ANKRD18A: variants seen among roughly 807,000 people sequenced by gnomAD.
ANKRD18A encodes the protein ankyrin repeat domain 18A.
In ANKRD18A, 72 loss-of-function variants were observed where a neutral mutation model predicts 110.6. That is an observed-to-expected ratio of 0.65 (90% CI 0.54 to 0.79). The LOEUF is 0.79. ANKRD18A is among the 30% of genes least tolerant of loss of function. The pLI is 0.00. For missense variants in ANKRD18A, 934 were observed against 1,163.3 expected, an observed-to-expected ratio of 0.80 and a Z score of 2.87; for synonymous variants, 305 against 410.3, an observed-to-expected ratio of 0.74 and a Z score of 3.10.
At chr9:38,568,020 G>T (rs4416907), downstream of ANKRD18A, 14,425 of 152,296 alleles carry the variant, frequency 0.095, 1,135 homozygotes, top group African/African-American at 0.21. Flanking sequence ...CTCATCCTTC[G>T]CAGCCTTCCT....
At chr9:38,616,790 A>C (rs904243126) in intron 1 of ANKRD18A, among the ~76,000 whole-genome samples, 18 of 152,330 alleles carry the variant, frequency 1.2e-4, no homozygotes, top group African/African-American at 4.1e-4. Flanking sequence ...TTTAACAAAA[A>C]TATTTTAATT....
chr9:38,580,883 T>C (rs1170213133), intron 12 of ANKRD18A, among the ~76,000 whole-genome samples: 2 of 151,528 alleles, frequency 1.3e-5, no homozygotes, highest in Non-Finnish European at 2.9e-5. Context: ...AGCCCCCAGA[T>C]TGTGAGAGAG....
At chr9:38,570,130 A>G (rs955810512), downstream of ANKRD18A, among the ~76,000 whole-genome samples, 2 of 151,998 alleles carry the variant, frequency 1.3e-5, no homozygotes, top group African/African-American at 4.8e-5. Flanking sequence ...CCCATTGACC[A>G]GGCCCCACTG....
chr9:38,598,600 T>G (rs1348258883), intron 8 of ANKRD18A, among the ~76,000 whole-genome samples: 9 of 152,208 alleles, frequency 5.9e-5, no homozygotes, highest in Non-Finnish European at 1.3e-4. Flanking sequence ...CCTTTGCATA[T>G]CTTGCTGTAA....
At chr9:38,573,373 G>C (rs1426820989) in intron 15 of ANKRD18A, among the ~76,000 whole-genome samples, 1 of 151,988 alleles carries the variant, frequency 6.6e-6, no homozygotes, top group Non-Finnish European at 1.5e-5. Context: ...AGATAATATT[G>C]GTCTATTGGA....
rs1823854627 is a variant in ANKRD18A, at chr9:38,575,618, G to C, written c.2822C>G (p.Pro941Arg). 1 of 1,551,694 alleles carries C rather than the reference G, an allele frequency of 6.4e-7. No homozygotes were observed. Among genetic ancestry groups the C allele is most frequent in the South Asian group, 1.2e-5 (1 of 84,050 alleles). ...QRMKYFLSTL[P>R]TRPEPELPCV... ...AGGTAACTCTGGTTCTGGCCTTGTA[G>C]GAAGAGTGCTGAGAAAATATTTCAT... Residue 941 changes from proline to arginine, a missense_variant, in exon 15 of 16, where the codon CCT becomes CGT. Around this residue, in one of 4 missense-constraint regions of ANKRD18A, gnomAD observed 223 missense variants for 226.7 expected, o/e 0.98. Coordinates refer to ENST00000399703, the MANE Select transcript of ANKRD18A (RefSeq NM_147195.4).
At position 38,607,470 on chromosome 9, in the gene ANKRD18A, T is replaced by C. The variant is rs772925991; in HGVS notation, c.764A>G (p.His255Arg). Residue 255 changes from histidine to arginine, a missense_variant, in exon 6 of 16, where the codon CAT (histidine) becomes CGT (arginine). Coordinates refer to ENST00000399703, the MANE Select transcript of ANKRD18A (RefSeq NM_147195.4). ...LRSIRQQILE[H>R]KNKMLKNHLR... ...ATGATTTTTAAGCATTTTATTTTTA[T>C]GTTCCAAAATTTGTTGTCGGATGCT... 52 of 1,503,398 alleles carry C rather than the reference T, an allele frequency of 3.5e-5. No homozygotes were observed. The highest frequency in any genetic ancestry group is 4.5e-5 in the Non-Finnish European group (50 of 1,122,462). 93.1% of individuals were successfully genotyped at this position (1,503,398 alleles called of 1,614,324 possible). A position where few individuals can be genotyped will look rare whatever the true frequency, so the allele number is the denominator to read the frequency against.
chr9:38,575,646 G>A lies in ANKRD18A; in HGVS notation c.2794C>T (p.Arg932Trp), dbSNP rs546219600. Residue 932 changes from arginine (R) to tryptophan (W), a missense_variant, in exon 15 of 16, where the codon CGG (arginine) becomes TGG (tryptophan). Arg to Trp is a moderately radical substitution (Grantham distance 101). Transcript: ENST00000399703. ...AGAGTGCTGAGAAAATATTTCATCCGCTGTTTCTCCGTAAAGAGCTTGGTG... is the reference window on the plus strand; with the variant it reads ...AGAGTGCTGAGAAAATATTTCATCCACTGTTTCTCCGTAAAGAGCTTGGTG... ...ISTKLFTEKQ[R>W]MKYFLSTLPT... The A allele has an allele frequency of 3.9e-6, 6 of 1,551,670 alleles. No homozygotes were observed. The highest frequency in any genetic ancestry group is 2.7e-5 in the African/African-American group (2 of 73,136).
chr9:38,567,574 C>T (rs547483073), downstream of ANKRD18A: 82 of 152,874 alleles, frequency 5.4e-4, no homozygotes, highest in Non-Finnish European at 9.1e-4. Flanking sequence ...CTCTGTCTTC[C>T]CTTCTGCCAC....
In ANKRD18A at chr9:38,577,728, CT is replaced by C. The variant is rs542550325; in HGVS notation, c.2529+138del. On this transcript the variant is annotated intron_variant, in intron 13 of 15. Transcript: ENST00000399703. ...TAAATATTTAAAAGGAAAAAAGTCACTTTTTTTCTAGAACTCTACGAAGGAA... is the reference window on the plus strand; with the variant it reads ...TAAATATTTAAAAGGAAAAAAGTCACTTTTTTCTAGAACTCTACGAAGGAA... 5.4e-5 allele frequency: 53 copies of C among 981,188 alleles called. No homozygotes were observed. The South Asian group carries it at 7.2e-4, about 13-fold the overall frequency. 60.8% of individuals were successfully genotyped at this position (981,188 alleles called of 1,614,324 possible). A position where few individuals can be genotyped will look rare whatever the true frequency, so the allele number is the denominator to read the frequency against.
intron 12 of ANKRD18A, among the ~76,000 whole-genome samples, chr9:38,579,325 A>G (rs961994194): frequency 2.0e-5 from 3 of 152,210 alleles, no homozygotes; most frequent in African/African-American, 7.2e-5. Context: ...GGCAACAAAC[A>G]AATGATAGAC....
At chr9:38,615,905 G>A in intron 2 of ANKRD18A, 25 bp downstream of exon 2, 1 of 1,536,236 alleles carries the variant, frequency 6.5e-7, no homozygotes, top group African/African-American at 1.4e-5. Flanking sequence ...TCCATTTCAT[G>A]CTGAAAGAGT....
Position 38,615,718 on chromosome 9 carries a change from C to T in ANKRD18A, c.371G>A (p.Gly124Asp). The T allele has an allele frequency of 6.2e-7, 1 of 1,612,930 alleles. No individual in the cohort carries two copies. Among genetic ancestry groups the T allele is most frequent in the East Asian group, 2.2e-5 (1 of 44,884 alleles). ...GATATCCTCAATGTTTGGATTGGCG[C>T]CACATTCCAGGAGAACGATGGCACA... ...EACAIVLLECGANPNIEDIYG... is the reference protein window; with the variant it reads ...EACAIVLLECDANPNIEDIYG... The change falls in exon 3 of 16, where the codon GGC (glycine) becomes GAC (aspartate). Residue 124 changes from glycine (G) to aspartate (D), a missense_variant. Physicochemically the swap from Gly to Asp is moderately conservative, Grantham distance 94. Transcript: ENST00000399703.
rs768779587 is a variant in ANKRD18A at position 38,586,174 on chromosome 9, T to A, written c.2247+9A>T. 8 of 1,594,832 alleles carry A rather than the reference T, an allele frequency of 5.0e-6. No homozygotes were observed. Among genetic ancestry groups the A allele is most frequent in the South Asian group, 1.1e-5 (1 of 87,364 alleles). ...ACCTTAAGATAAAATAATAATTTTT[T>A]AAAATTACCTTCTGTTTTAGCTTCT... On this transcript the variant is annotated intron_variant, in intron 12 of 15. Coordinates refer to ENST00000399703, the MANE Select transcript of ANKRD18A (RefSeq NM_147195.4).
intron 7 of ANKRD18A, among the ~76,000 whole-genome samples, chr9:38,601,638 T>G (rs115731010): frequency 6.6e-6 from 1 of 152,174 alleles, no homozygotes; most frequent in Non-Finnish European, 1.5e-5. Flanking sequence ...GTACACCCTG[T>G]TTTTTACATC....
intron 14 of ANKRD18A, among the ~76,000 whole-genome samples, chr9:38,576,427 C>T (rs1016983203): frequency 6.6e-6 from 1 of 152,224 alleles, no homozygotes. Context: ...TTCCACACAG[C>T]CCTTCAGGCT....
rs759902502 is a variant in ANKRD18A at position 38,577,901 on chromosome 9, T to G, written c.2495A>C (p.Gln832Pro). 27 of 1,596,900 alleles carry G rather than the reference T, an allele frequency of 1.7e-5. No homozygotes were observed. Among genetic ancestry groups the G allele is most frequent in the African/African-American group, 4.1e-5 (3 of 73,982 alleles). The change falls in exon 13 of 16, where the codon CAG becomes CCG. Residue 832 changes from glutamine to proline, a missense_variant. Physicochemically the swap from Gln to Pro is moderately conservative, Grantham distance 76. Transcript: ENST00000399703. ...GATTTCTTCTAATTTTTCTATTTCC[T>G]GCACTGCCCTTTCATCCAGCTCCGA... ...YKSELDERAVQEIEKLEEIHL... is the reference protein window; with the variant it reads ...YKSELDERAVPEIEKLEEIHL...
rs1024226830 is a variant in ANKRD18A at position 38,620,169 on chromosome 9, G to A, written c.117C>T (p.His39=). The A allele has an allele frequency of 1.9e-6, 3 of 1,567,656 alleles. No individual in the cohort carries two copies. The highest frequency in any genetic ancestry group is 2.7e-5 in the African/African-American group (2 of 73,836). ...CGGCGTCGCCCTTGATGGCAGCCCT[G>A]TGGATCTTCCGCAGTTCCCAGTCCC... The part of the protein sequence containing the change: ...DIRDWELRKI[H]RAAIKGDAAE... Residue 39 remains histidine (H), a synonymous_variant, in exon 1 of 16, where the codon CAC becomes CAT. Transcript: ENST00000399703.
Position 38,615,768 on chromosome 9 carries a change from C to T in ANKRD18A, c.322-1G>A. 1 of 1,610,404 alleles carries T rather than the reference C, an allele frequency of 6.2e-7. No homozygotes were observed. Among genetic ancestry groups the T allele is most frequent in the African/African-American group, 1.3e-5 (1 of 74,848 alleles). ...AAGCCTCTTCCTGGCTGTGTACAGC[C>T]TATTAGTGTTAGATAAAAAACTAGA... On this transcript the variant is annotated splice_acceptor_variant, in intron 2 of 15. Transcript: ENST00000399703. LOFTEE classifies it high-confidence loss of function.
Sources: gnomAD v4.1 joint callset for allele counts (sites outside exome capture counted in the v4.1 genomes callset) on GRCh38, gnomAD v4.1.1 for gene constraint, gnomAD v4.1.1 regional missense constraint, MANE v1.5 for transcripts, NCBI Gene and HGNC (gene_info 2026-07-23, HGNC 2026-07-21) for gene names.